Variants in OSER1 observed in about 807,000 individuals in gnomAD.
OSER1 encodes the protein oxidative stress-responsive serine-rich protein 1.
Under a neutral mutation model 26.3 loss-of-function variants are expected in OSER1, and 15 were observed. The ratio of observed to expected loss-of-function variants is 0.57; its 90% CI spans 0.38 to 0.88. The LOEUF (loss-of-function observed/expected upper bound fraction) is 0.88. Among genes scored for constraint, OSER1 ranks in the 40% least tolerant of loss-of-function variants. OSER1 has a pLI of 0.00. For missense variants in OSER1, 313 were observed against 353.9 expected (o/e 0.88, Z 0.93); for synonymous variants, 127 against 128.2 (o/e 0.99, Z 0.07).
chr20:44,211,780 G>A (rs1388026907), upstream of OSER1, among the ~76,000 whole-genome samples: 1 of 152,050 alleles, frequency 6.6e-6, no homozygotes, highest in Non-Finnish European at 1.5e-5. Context: ...GCCTCTCCTC[G>A]CCTGCCAATC....
intron 2 of OSER1, 97 bp downstream of exon 2, chr20:44,206,784 T>G: frequency 1.6e-6 from 1 of 624,924 alleles, no homozygotes; most frequent in Non-Finnish European, 2.9e-6. Context: ...CTTTCAATAA[T>G]GAGAAATATT....
chr20:44,210,656 G>C (rs962329770), intron 1 of OSER1, 40 bp downstream of exon 1: 7 of 152,440 alleles, frequency 4.6e-5, no homozygotes, highest in African/African-American at 1.7e-4. Context: ...AAGCTGAGAC[G>C]CAGTGCTGCG....
At chr20:44,202,658 C>T (rs183533185) in intron 3 of OSER1, among the ~76,000 whole-genome samples, 1 of 151,572 alleles carries the variant, frequency 6.6e-6, no homozygotes, top group East Asian at 1.9e-4. Flanking sequence ...TCAAGTTGAC[C>T]AAAAAATTGA....
chr20:44,208,265 G>A (rs1301251699), intron 1 of OSER1, among the ~76,000 whole-genome samples: 1 of 152,014 alleles, frequency 6.6e-6, no homozygotes, highest in Non-Finnish European at 1.5e-5. Flanking sequence ...GTGTCATAAT[G>A]TTTGATATAA....
At position 44,196,857 on chromosome 20, in the gene OSER1, G is replaced by C. The variant is rs1409468812; in HGVS notation, c.*195C>G. 1 of 546,632 alleles carries C rather than the reference G, an allele frequency of 1.8e-6. No individual in the cohort carries two copies. Among genetic ancestry groups the C allele is most frequent in the South Asian group, 2.5e-5 (1 of 39,410 alleles). The allele number at this position is 546,632 out of a possible 1,614,324, so 33.9% of individuals were successfully genotyped here. A position where few individuals can be genotyped will look rare whatever the true frequency, so the allele number is the denominator to read the frequency against. On this transcript the variant is annotated 3_prime_UTR_variant, in exon 4 of 4. Transcript: ENST00000255174. The stretch of plus-strand genomic sequence containing the variant: ...GATTTTTCTTTGATCTGCTCGCCTT[G>C]AAGTGTATGTAAGAACTCAAGAGAG...
chr20:44,209,615 G>C (rs1600500412), intron 1 of OSER1, among the ~76,000 whole-genome samples: 5 of 146,546 alleles, frequency 3.4e-5, no homozygotes, highest in Non-Finnish European at 1.5e-5. Flanking sequence ...CGAAGTTAAA[G>C]TCAAATCACA....
chr20:44,197,338 G>A lies in OSER1; in HGVS notation c.593C>T (p.Thr198Ile). The A allele has an allele frequency of 6.2e-7, 1 of 1,614,204 alleles. No individual in the cohort carries two copies. The highest frequency in any genetic ancestry group is 1.7e-5 in the Admixed American group (1 of 60,034). Residue 198 changes from threonine (T) to isoleucine (I), a missense_variant, in exon 4 of 4, where the codon ACA becomes ATA. Coordinates refer to ENST00000255174, the MANE Select transcript of OSER1 (RefSeq NM_016470.8). ...ACACTGGCATTCCTTGCCTATGCATGTGCATGGCTTGCCCTGGTTTAGCTT... is the reference window on the plus strand; with the variant it reads ...ACACTGGCATTCCTTGCCTATGCATATGCATGGCTTGCCCTGGTTTAGCTT... Reference protein sequence around the residue: ...VSKLNQGKPCTCIGKECQCKR... With the variant: ...VSKLNQGKPCICIGKECQCKR...
chr20:44,197,690 G>A lies in OSER1; in HGVS notation c.241C>T (p.Arg81Cys), dbSNP rs1219471808. ...RGAVRTQRRRRSKSPVLHPPK... is the reference protein window; with the variant it reads ...RGAVRTQRRRCSKSPVLHPPK... ...GGATGAAGGACAGGAGACTTAGAAC[G>A]TCGACGACGCTGAGTTCTCACTGCT... Residue 81 changes from arginine (R) to cysteine (C), a missense_variant, in exon 4 of 4, where the codon CGT (arginine) becomes TGT (cysteine). Physicochemically the swap from Arg to Cys is radical, Grantham distance 180. Around this residue, in one of 2 missense-constraint regions of OSER1, gnomAD observed 300 missense variants for 318.3 expected, o/e 0.94. Coordinates refer to ENST00000255174, the MANE Select transcript of OSER1 (RefSeq NM_016470.8). The A allele has an allele frequency of 4.3e-6, 7 of 1,613,766 alleles. No individual in the cohort carries two copies. The highest frequency in any genetic ancestry group is 5.9e-6 in the Non-Finnish European group (7 of 1,179,796).
intron 1 of OSER1, among the ~76,000 whole-genome samples, chr20:44,208,302 A>G (rs1423156168): frequency 1.3e-5 from 2 of 152,118 alleles, no homozygotes; most frequent in Non-Finnish European, 2.9e-5. Flanking sequence ...TTGTAGTACC[A>G]GCGCAAAATA....
chr20:44,199,901 G>A (rs748652049), intron 3 of OSER1, among the ~76,000 whole-genome samples: 20 of 152,216 alleles, frequency 1.3e-4, no homozygotes, highest in Non-Finnish European at 2.5e-4. Context: ...CACAGCTAAA[G>A]AAAGAATGAC....
chr20:44,205,075 T>C (rs571606673), intron 2 of OSER1, among the ~76,000 whole-genome samples: 1 of 152,298 alleles, frequency 6.6e-6, no homozygotes, highest in Admixed American at 6.5e-5. Context: ...GCTCAAGTGA[T>C]GTGCTCACCT....
chr20:44,198,703 G>T (rs1051584304), intron 3 of OSER1, among the ~76,000 whole-genome samples: 12 of 152,136 alleles, frequency 7.9e-5, no homozygotes, highest in Non-Finnish European at 1.8e-4. Flanking sequence ...ACTGCTAAGT[G>T]AATTAGAGAC....
chr20:44,197,881 C>T, intron 3 of OSER1, 142 bp from the exon 4 acceptor site: 1 of 602,816 alleles, frequency 1.7e-6, no homozygotes, highest in South Asian at 2.1e-5. Flanking sequence ...GCACCTTCCT[C>T]CATTTTCATG....
At chr20:44,200,232 G>A (rs1364637157) in intron 3 of OSER1, among the ~76,000 whole-genome samples, 1 of 152,222 alleles carries the variant, frequency 6.6e-6, no homozygotes, top group Non-Finnish European at 1.5e-5. Flanking sequence ...GGGATCTCTG[G>A]AGGAGAAAAG....
chr20:44,204,989 C>T (rs2073024462), intron 2 of OSER1, among the ~76,000 whole-genome samples: 2 of 152,084 alleles, frequency 1.3e-5, no homozygotes, highest in African/African-American at 4.8e-5. Flanking sequence ...AGGCACGCAC[C>T]ACCATGCCTA....
chr20:44,200,177 G>A (rs2072965925), intron 3 of OSER1, among the ~76,000 whole-genome samples: 1 of 152,202 alleles, frequency 6.6e-6, no homozygotes, highest in African/African-American at 2.4e-5. Flanking sequence ...GGCAACTGCT[G>A]ATCATTGAGA....
At position 44,200,633 on chromosome 20, in the gene OSER1, G is replaced by A. The variant is rs563378722; in HGVS notation, c.191+2328C>T. Among the ~76,000 whole-genome samples, 66 of 152,308 alleles carry A rather than the reference G, an allele frequency of 4.3e-4. No homozygotes were observed. The Middle Eastern group carries it at 0.014, about 31-fold the overall frequency. ...GTAAGTCTGGAATTTCTGAAGAAAC[G>A]AATACAGAGAACAGAGGACAAGTGA... On this transcript the variant is annotated intron_variant, in intron 3 of 3. Coordinates refer to ENST00000255174, the MANE Select transcript of OSER1 (RefSeq NM_016470.8).
chr20:44,206,125 C>G lies in OSER1; in HGVS notation c.77+756G>C, dbSNP rs6130568. The stretch of plus-strand genomic sequence containing the variant: ...AAGGTGTAGTGAGAATTAAATAATG[C>G]GCACAAAGTACTTAACCCAGTGTTG... On this transcript the variant is annotated intron_variant, in intron 2 of 3. Coordinates refer to ENST00000255174, the MANE Select transcript of OSER1 (RefSeq NM_016470.8). 5.9e-5 allele frequency among the ~76,000 whole-genome samples: 9 copies of G among 151,910 alleles called. 1 individual carries two copies. Among genetic ancestry groups the G allele is most frequent in the East Asian group, 1.9e-4 (1 of 5,160 alleles).
chr20:44,197,718 T>G lies in OSER1; in HGVS notation c.213A>C (p.Arg71=). The G allele has an allele frequency of 6.2e-7, 1 of 1,612,200 alleles. No individual in the cohort carries two copies. The change falls in exon 4 of 4, where the codon CGA becomes CGC. Residue 71 remains arginine, a synonymous_variant. Transcript: ENST00000255174. ...GACGACGCTGAGTTCTCACTGCTCC[T>G]CGTGAAGACTTCCTTGTAGACCTAA... is the stretch of plus-strand genomic sequence containing the variant. ...SWHGSTRKSS[R]GAVRTQRRRR... is the part of the protein sequence containing the mutation.
Sources: gnomAD v4.1 joint callset for allele counts (sites outside exome capture counted in the v4.1 genomes callset) on GRCh38, gnomAD v4.1.1 for gene constraint, gnomAD v4.1.1 regional missense constraint, MANE v1.5 for transcripts, NCBI Gene and HGNC (gene_info 2026-07-23, HGNC 2026-07-21) for gene names.